The following LOXHD1 variants were observed in gnomAD, a reference collection of about 807,000 sequenced individuals.
LOXHD1 encodes the protein lipoxygenase homology domain-containing protein 1.
LOXHD1 carries 205 observed loss-of-function variants against 248.2 expected under a neutral mutation model. The observed-to-expected ratio is 0.83, with a 90% confidence interval of 0.74 to 0.93. The LOEUF (loss-of-function observed/expected upper bound fraction) is 0.93. LOXHD1 is among the 40% of genes least tolerant of loss of function. The pLI is 0.00. For missense variants in LOXHD1, 2,930 were observed against 2,971.6 expected (o/e 0.99, Z 0.33); for synonymous variants, 1,113 against 1,162.8 (o/e 0.96, Z 0.87).
Position 46,522,401 on chromosome 18 carries a change from G to A in LOXHD1, c.4877-92C>T. On this transcript the variant is annotated intron_variant, in intron 31 of 40. Transcript: ENST00000642948. ...ACAGATTTGGAAGTGACCTCTGAGG[G>A]CACTGATCTCAGCTCCTTGCTCAGA... is the stretch of plus-strand genomic sequence containing the variant. 2.9e-6 allele frequency: 3 copies of A among 1,033,004 alleles called. No individual in the cohort carries two copies. In the South Asian group the frequency reaches 4.6e-5, roughly 16 times the overall value. 64.0% of individuals were successfully genotyped at this position (1,033,004 alleles called of 1,614,324 possible). A position where few individuals can be genotyped will look rare whatever the true frequency, so the allele number is the denominator to read the frequency against.
chr18:46,576,032 G>C lies in LOXHD1; in HGVS notation c.1970+1675C>G, dbSNP rs575876828. ...AGCCTCAACATCCCTCTGCAGGCAG[G>C]CCTTTCCCATTTCTAGCCCCGGCTC... On this transcript the variant is annotated intron_variant, in intron 14 of 40. Coordinates refer to ENST00000642948, the MANE Select transcript of LOXHD1 (RefSeq NM_001384474.1). Among the ~76,000 whole-genome samples, 3 of 152,088 alleles carry C rather than the reference G, an allele frequency of 2.0e-5. No homozygotes were observed. The South Asian group carries it at 6.2e-4, about 32-fold the overall frequency.
intron 40 of LOXHD1, among the ~76,000 whole-genome samples, chr18:46,482,317 G>A (rs1410068522): frequency 6.6e-6 from 1 of 152,178 alleles, no homozygotes; most frequent in Non-Finnish European, 1.5e-5. Flanking sequence ...TTTAGATAAG[G>A]TCATGAGGGT....
intron 34 of LOXHD1, among the ~76,000 whole-genome samples, chr18:46,516,657 C>G (rs1281167540): frequency 6.6e-6 from 1 of 152,164 alleles, no homozygotes; most frequent in Non-Finnish European, 1.5e-5. Flanking sequence ...TAATCATCAT[C>G]ATCATCACCA....
intron 37 of LOXHD1, among the ~76,000 whole-genome samples, chr18:46,493,655 T>C (rs2033642631): frequency 6.6e-6 from 1 of 152,258 alleles, no homozygotes; most frequent in Non-Finnish European, 1.5e-5. Context: ...TTGATTATTT[T>C]GTCCCACAGT....
intron 21 of LOXHD1, among the ~76,000 whole-genome samples, chr18:46,556,171 G>T (rs1020887437): frequency 1.3e-5 from 2 of 151,792 alleles, no homozygotes; most frequent in African/African-American, 4.8e-5. Context: ...ATCTATGACT[G>T]CTTTTGTGTT....
chr18:46,551,106 C>CTTTTT (rs1239620935), intron 21 of LOXHD1, among the ~76,000 whole-genome samples: 7 of 141,014 alleles, frequency 5.0e-5, no homozygotes, highest in Non-Finnish European at 7.7e-5. Flanking sequence ...CTTTTCTTTT[C>CTTTTT]TTTTTTTTTT....
At chr18:46,523,087 A>G (rs1020875675) in intron 31 of LOXHD1, among the ~76,000 whole-genome samples, 1 of 152,014 alleles carries the variant, frequency 6.6e-6, no homozygotes, top group African/African-American at 2.4e-5. Context: ...AGCTGGGATT[A>G]CAGGCATGCA....
chr18:46,526,495 G>A (rs1264409031), intron 29 of LOXHD1, among the ~76,000 whole-genome samples: 1 of 152,234 alleles, frequency 6.6e-6, no homozygotes, highest in Non-Finnish European at 1.5e-5. Context: ...ATGGGTGCAT[G>A]TACATGTAAG....
Position 46,541,822 on chromosome 18 carries a change from G to A in LOXHD1, c.3867C>T (p.Ile1289=), listed in dbSNP as rs1474037453. Residue 1289 remains isoleucine, a synonymous_variant, in exon 25 of 41, where the codon ATC becomes ATT. Transcript: ENST00000642948. ...LAKNEDDGSI[I]RDLFHAELQT... ...GAAGCTCTGCATGGAAGAGGTCTCT[G>A]ATGATGGACCCGTCGTCTTCGTTTT... 1.9e-6 allele frequency: 3 copies of A among 1,551,596 alleles called. No individual in the cohort carries two copies. Among genetic ancestry groups the A allele is most frequent in the Non-Finnish European group, 1.7e-6 (2 of 1,147,006 alleles).
At chr18:46,640,557 A>G (rs2038950506) in intron 3 of LOXHD1, among the ~76,000 whole-genome samples, 1 of 152,236 alleles carries the variant, frequency 6.6e-6, no homozygotes, top group South Asian at 2.1e-4. Context: ...GTAGAATTTT[A>G]ATAATATGTT....
At chr18:46,577,019 C>T (rs1451644018) in intron 14 of LOXHD1, among the ~76,000 whole-genome samples, 2 of 152,206 alleles carry the variant, frequency 1.3e-5, no homozygotes, top group African/African-American at 4.8e-5. Context: ...AGCAACTCAT[C>T]TCTACATACA....
At chr18:46,573,706 C>T (rs1394395347) in intron 14 of LOXHD1, among the ~76,000 whole-genome samples, 2 of 152,170 alleles carry the variant, frequency 1.3e-5, no homozygotes, top group East Asian at 1.9e-4. Context: ...GGAGGCAATG[C>T]TGTGGTCTCT....
At chr18:46,564,174 C>A (rs1434415808) in intron 17 of LOXHD1, among the ~76,000 whole-genome samples, 1 of 151,650 alleles carries the variant, frequency 6.6e-6, no homozygotes, top group Non-Finnish European at 1.5e-5. Flanking sequence ...GTTAAAAGAG[C>A]TAAATCCTCT....
At chr18:46,488,400 G>C (rs2033219618) in intron 38 of LOXHD1, among the ~76,000 whole-genome samples, 1 of 152,164 alleles carries the variant, frequency 6.6e-6, no homozygotes, top group Non-Finnish European at 1.5e-5. Flanking sequence ...ACTAAGATTG[G>C]AAAAATCCAT....
At chr18:46,629,788 G>GC in intron 4 of LOXHD1, among the ~76,000 whole-genome samples, 1 of 138,402 alleles carries the variant, frequency 7.2e-6, no homozygotes, top group East Asian at 2.0e-4. Flanking sequence ...TTCTCACTGG[G>GC]CATTAAAAAA....
At chr18:46,520,002 A>G (rs898932801) in intron 33 of LOXHD1, among the ~76,000 whole-genome samples, 1 of 152,156 alleles carries the variant, frequency 6.6e-6, no homozygotes, top group Non-Finnish European at 1.5e-5. Context: ...TGGGGTGTGC[A>G]TGTGTGCTGG....
chr18:46,554,262 G>T (rs1598989242), intron 21 of LOXHD1, among the ~76,000 whole-genome samples: 1 of 152,316 alleles, frequency 6.6e-6, no homozygotes, highest in East Asian at 1.9e-4. Flanking sequence ...GACAGGGCAT[G>T]AGTGGCAGAG....
In LOXHD1 at chr18:46,563,165, C is replaced by T. The variant is rs750370059; in HGVS notation, c.2498G>A (p.Arg833Gln). ...CTCTCCATAGATCTGCATGTAGACT[C>T]GGGCACTGGTGCCTGCGCCACCCAC... ...GDVGGAGTSARVYMQIYGEKG... is the reference protein window; with the variant it reads ...GDVGGAGTSAQVYMQIYGEKG... Residue 833 changes from arginine (R) to glutamine (Q), a missense_variant, in exon 18 of 41, where the codon CGA (arginine) becomes CAA (glutamine). Coordinates refer to ENST00000642948, the MANE Select transcript of LOXHD1 (RefSeq NM_001384474.1). 121 of 1,532,548 alleles carry T rather than the reference C, an allele frequency of 7.9e-5. No homozygotes were observed. Among genetic ancestry groups the T allele is most frequent in the South Asian group, 1.3e-4 (11 of 83,466 alleles). 94.9% of individuals were successfully genotyped at this position (1,532,548 alleles called of 1,614,324 possible). A position where few individuals can be genotyped will look rare whatever the true frequency, so the allele number is the denominator to read the frequency against.
In LOXHD1 at chr18:46,541,843, G is replaced by A. The variant is rs759329010; in HGVS notation, c.3846C>T (p.Asn1282=). 189 of 1,551,702 alleles carry A rather than the reference G, an allele frequency of 1.2e-4. No homozygotes were observed. Among genetic ancestry groups the A allele is most frequent in the East Asian group, 1.7e-4 (7 of 40,914 alleles). Residue 1282 remains asparagine, a synonymous_variant, in exon 25 of 41, where the codon AAC becomes AAT. Transcript: ENST00000642948. ...TFPCGRWLAK[N]EDDGSIIRDL... is the part of the protein sequence containing the mutation. Reference sequence around the variant, plus strand: ...CTCTGATGATGGACCCGTCGTCTTCGTTTTTGGCCAGCCAGCGGCCACAGG... The same window carrying A: ...CTCTGATGATGGACCCGTCGTCTTCATTTTTGGCCAGCCAGCGGCCACAGG...
Sources: allele counts gnomAD v4.1 joint callset (sites outside exome capture counted in the v4.1 genomes callset), GRCh38; gene constraint gnomAD v4.1.1; transcripts MANE v1.5; gene names NCBI Gene and HGNC (gene_info 2026-07-23, HGNC 2026-07-21).